RHOJ: variants seen among roughly 807,000 people sequenced by gnomAD.
RHOJ encodes ras homolog family member J, also known as rho-related GTP-binding protein RhoJ.
Under a neutral mutation model 23.4 loss-of-function variants are expected in RHOJ, and 11 were observed. The ratio of observed to expected loss-of-function variants is 0.47; its 90% CI spans 0.30 to 0.78. RHOJ has a LOEUF of 0.78. RHOJ is among the 30% of genes least tolerant of loss of function. The probability of loss-of-function intolerance (pLI) is 0.08; values close to 1 mark genes in which losing one functional copy is unlikely to be tolerated. For synonymous variants in RHOJ, 102 were observed against 102.7 expected (o/e 0.99, Z 0.04); for missense variants, 254 against 273.4 (o/e 0.93, Z 0.50).
intron 1 of RHOJ, among the ~76,000 whole-genome samples, chr14:63,218,176 T>A (rs1894407254): frequency 6.6e-6 from 1 of 152,206 alleles, no homozygotes; most frequent in South Asian, 2.1e-4. Flanking sequence ...GATCTAAGAA[T>A]TAATATCATT....
intron 1 of RHOJ, among the ~76,000 whole-genome samples, chr14:63,217,067 C>CT (rs901908171): frequency 4.7e-5 from 3 of 63,428 alleles, no homozygotes; most frequent in African/African-American, 1.2e-4. Flanking sequence ...TTCTTTCCCG[C>CT]TTTTTTTTTC....
At position 63,204,605 on chromosome 14, in the gene RHOJ, T is replaced by TG; in HGVS notation, c.-264dup. ...CTGTTAGGAAGCCCCTCGAATTCTG[T>TG]GAAAATGAGGGTTTCTTAACTCACA... is the stretch of plus-strand genomic sequence containing the variant. On this transcript the variant is annotated 5_prime_UTR_variant, in exon 1 of 5. Transcript: ENST00000316754. 2.0e-6 allele frequency: 1 copy of TG among 493,048 alleles called. No homozygotes were observed. Among genetic ancestry groups the TG allele is most frequent in the Non-Finnish European group, 3.6e-6 (1 of 276,872 alleles). The allele number at this position is 493,048 out of a possible 1,614,324, so 30.5% of individuals were successfully genotyped here. A position where few individuals can be genotyped will look rare whatever the true frequency, so the allele number is the denominator to read the frequency against.
At position 63,269,940 on chromosome 14, in the gene RHOJ, C is replaced by T. The variant is rs533337728; in HGVS notation, c.237+772C>T. ...AGTTCTAATGTTCTAATCCAGTTCA[C>T]GGATTGGTGGAGGGGAAGTGGTTAA... On this transcript the variant is annotated intron_variant, in intron 2 of 4. Transcript: ENST00000316754. Among the ~76,000 whole-genome samples the T allele has an allele frequency of 7.2e-5, 11 of 152,306 alleles. No homozygotes were observed. The South Asian group carries it at 1.9e-3, about 26-fold the overall frequency.
intron 3 of RHOJ, among the ~76,000 whole-genome samples, chr14:63,282,628 C>G (rs971169223): frequency 6.8e-6 from 1 of 147,100 alleles, no homozygotes; most frequent in African/African-American, 2.5e-5. Flanking sequence ...AATATCCTCA[C>G]AGGTAGCAAA....
rs34023824 is a variant in RHOJ at position 63,277,966 on chromosome 14, A to AACACACACACACACACAC, written c.238-2987_238-2970dup. On this transcript the variant is annotated intron_variant, in intron 2 of 4. Transcript: ENST00000316754. ...TCTCCACTGCCTCACCAGCTACACA[A>AACACACACACACACACAC]ACACACACACACACACACACACACA... Among the ~76,000 whole-genome samples the AACACACACACACACACAC allele has an allele frequency of 9.8e-3, 1,389 of 141,456 alleles. 30 individuals carry two copies. The highest frequency in any genetic ancestry group is 0.035 in the African/African-American group (1,325 of 37,656). The allele number at this position is 141,456 out of a possible 152,430, so 92.8% of individuals were successfully genotyped here. A position where few individuals can be genotyped will look rare whatever the true frequency, so the allele number is the denominator to read the frequency against.
intron 4 of RHOJ, among the ~76,000 whole-genome samples, chr14:63,287,880 T>A (rs573845549): frequency 8.5e-5 from 13 of 152,104 alleles, no homozygotes; most frequent in African/African-American, 3.1e-4. Context: ...AAGGAGCAGA[T>A]GAAGTTGCTG....
At chr14:63,278,554 T>C (rs1483867633) in intron 2 of RHOJ, among the ~76,000 whole-genome samples, 1 of 152,088 alleles carries the variant, frequency 6.6e-6, no homozygotes. Context: ...AAATATATTA[T>C]TAGAGTCAAT....
At chr14:63,278,040 C>A (rs1881789045) in intron 2 of RHOJ, among the ~76,000 whole-genome samples, 1 of 151,588 alleles carries the variant, frequency 6.6e-6, no homozygotes, top group African/African-American at 2.4e-5. Flanking sequence ...ACCCAGTAGA[C>A]CTGGCACAAC....
intron 2 of RHOJ, among the ~76,000 whole-genome samples, chr14:63,278,102 G>A (rs1280146957): frequency 1.3e-5 from 2 of 152,038 alleles, no homozygotes; most frequent in Non-Finnish European, 2.9e-5. Context: ...CCCAATTATT[G>A]ACTAGAAATG....
chr14:63,236,347 C>G (rs1403070212), intron 1 of RHOJ, among the ~76,000 whole-genome samples: 2 of 152,156 alleles, frequency 1.3e-5, no homozygotes, highest in African/African-American at 4.8e-5. Context: ...TAAAGACATA[C>G]TTGAGACCAG....
chr14:63,227,039 C>T (rs1894607110), intron 1 of RHOJ, among the ~76,000 whole-genome samples: 1 of 152,078 alleles, frequency 6.6e-6, no homozygotes, highest in Non-Finnish European at 1.5e-5. Flanking sequence ...GCAACCTCTG[C>T]CTCCTGGGTT....
At position 63,292,749 on chromosome 14, in the gene RHOJ, G is replaced by A. The variant is rs967818908; in HGVS notation, c.*1725G>A. ...GGGCCGCTTGAGCTCAGGAGTTCAAGACCAGCCTGGGTAATATAGTGAGAT... is the reference window on the plus strand; with the variant it reads ...GGGCCGCTTGAGCTCAGGAGTTCAAAACCAGCCTGGGTAATATAGTGAGAT... On this transcript the variant is annotated 3_prime_UTR_variant, in exon 5 of 5. Coordinates refer to ENST00000316754, the MANE Select transcript of RHOJ (RefSeq NM_020663.5). 1.3e-5 allele frequency: 2 copies of A among 152,124 alleles called. No individual in the cohort carries two copies. Among genetic ancestry groups the A allele is most frequent in the African/African-American group, 4.8e-5 (2 of 41,396 alleles). The allele number at this position is 152,124 out of a possible 1,614,324, so 9.4% of individuals were successfully genotyped here.
At chr14:63,239,366 C>T (rs1304694390) in intron 1 of RHOJ, among the ~76,000 whole-genome samples, 1 of 152,166 alleles carries the variant, frequency 6.6e-6, no homozygotes, top group African/African-American at 2.4e-5. Context: ...CCCGCCTCAG[C>T]CTCCCAAAGT....
chr14:63,270,170 CTT>C (rs10680889), intron 2 of RHOJ, among the ~76,000 whole-genome samples: 99 of 128,182 alleles, frequency 7.7e-4, no homozygotes, highest in African/African-American at 2.6e-3. Context: ...TCGTCTAGGC[CTT>C]TTTTTTTTTT....
intron 1 of RHOJ, among the ~76,000 whole-genome samples, chr14:63,209,649 A>G (rs1021273020): frequency 3.9e-5 from 6 of 152,196 alleles, no homozygotes; most frequent in African/African-American, 1.2e-4. Context: ...TCCAGCTTCA[A>G]AAAACAAAGT....
At chr14:63,236,121 T>G (rs1276299506) in intron 1 of RHOJ, among the ~76,000 whole-genome samples, 1 of 152,218 alleles carries the variant, frequency 6.6e-6, no homozygotes, top group Non-Finnish European at 1.5e-5. Flanking sequence ...CTCTTCTTAC[T>G]CTGACCCTAC....
intron 1 of RHOJ, among the ~76,000 whole-genome samples, chr14:63,234,570 C>A (rs1373278783): frequency 6.6e-6 from 1 of 152,110 alleles, no homozygotes; most frequent in Non-Finnish European, 1.5e-5. Flanking sequence ...AATAGTAATG[C>A]CATTTTGTGG....
intron 1 of RHOJ, among the ~76,000 whole-genome samples, chr14:63,230,370 C>T (rs1337333717): frequency 6.6e-6 from 1 of 152,050 alleles, no homozygotes; most frequent in Non-Finnish European, 1.5e-5. Context: ...GTTTTTCTCC[C>T]TATAACTATG....
At chr14:63,240,988 C>T (rs188674203) in intron 1 of RHOJ, among the ~76,000 whole-genome samples, 289 of 152,264 alleles carry the variant, frequency 1.9e-3, no homozygotes, top group African/African-American at 3.4e-3. Flanking sequence ...AAGTCCTCTC[C>T]GAATATTTCC....
Sources: gnomAD v4.1 joint callset for allele counts (sites outside exome capture counted in the v4.1 genomes callset) on GRCh38, gnomAD v4.1.1 for gene constraint, MANE v1.5 for transcripts, NCBI Gene and HGNC (gene_info 2026-07-23, HGNC 2026-07-21) for gene names.